Variants in ANO8 observed in about 807,000 individuals in gnomAD.
ANO8 encodes the protein anoctamin-8.
A neutral mutation model predicts 120.4 loss-of-function variants in ANO8; 67 were observed. The ratio of observed to expected loss-of-function variants is 0.56; its 90% CI spans 0.46 to 0.68. The LOEUF (loss-of-function observed/expected upper bound fraction) is 0.68, where lower values mean the gene tolerates loss of function less well. Ranked by LOEUF, ANO8 falls within the 30% of genes least tolerant of loss-of-function variation. The pLI, the probability that ANO8 is intolerant of heterozygous loss-of-function variation, is 0.00. For missense variants in ANO8, 1,526 were observed against 1,737.6 expected (o/e 0.88, Z 2.16); for synonymous variants, 727 against 759.2 (o/e 0.96, Z 0.70).
rs756610843 is a variant in ANO8 at position 17,324,671 on chromosome 19, C to T, written c.3331+46G>A. ...CCAGGCCTGGCCACCCTACCCTATC[C>T]CCAAAGCCGGCCCGGCGTCCCCACC... On this transcript the variant is annotated intron_variant, in intron 17 of 17. Transcript: ENST00000159087. The T allele has an allele frequency of 2.2e-5, 33 of 1,514,420 alleles. No homozygotes were observed. The South Asian group carries it at 4.1e-4, about 19-fold the overall frequency. The allele number at this position is 1,514,420 out of a possible 1,614,324, so 93.8% of individuals were successfully genotyped here.
intron 13 of ANO8, 62 bp downstream of exon 13, chr19:17,328,100 C>G: frequency 1.4e-6 from 2 of 1,452,752 alleles, no homozygotes; most frequent in South Asian, 1.4e-5. Context: ...CCTTCACCCT[C>G]GGACGGTGTG....
In ANO8 at chr19:17,333,661, T is replaced by TGGGGGGGGGGGGGGGGGGG; in HGVS notation, c.217+28_217+29insCCCCCCCCCCCCCCCCCCC. 4.8e-6 allele frequency: 1 copy of TGGGGGGGGGGGGGGGGGGG among 207,036 alleles called. No individual in the cohort carries two copies. Among genetic ancestry groups the TGGGGGGGGGGGGGGGGGGG allele is most frequent in the East Asian group, 4.9e-4 (1 of 2,058 alleles). 12.8% of individuals were successfully genotyped at this position (207,036 alleles called of 1,614,324 possible). On this transcript the variant is annotated intron_variant, in intron 2 of 17. Coordinates refer to ENST00000159087, the MANE Select transcript of ANO8 (RefSeq NM_020959.3). The surrounding 1 kb of genome is among the most constrained non-coding windows in gnomAD (Gnocchi z 7.2). ...GCTCAGGAGAGCCGCATCTGGGCACTGGGCGGGCGGGCGGGCGGGCTTGGG... is the reference window on the plus strand; with the variant it reads ...GCTCAGGAGAGCCGCATCTGGGCACTGGGGGGGGGGGGGGGGGGGGGGCGGGCGGGCGGGCGGGCTTGGG...
intron 12 of ANO8, chr19:17,329,532 C>T (rs1282153810): frequency 3.4e-6 from 2 of 582,718 alleles, no homozygotes; most frequent in Non-Finnish European, 6.1e-6. Flanking sequence ...AGGGACAGGA[C>T]GAGCAGGAGC....
chr19:17,330,038 G>A, intron 10 of ANO8, 24 bp from the exon 11 acceptor site: 1 of 1,613,958 alleles, frequency 6.2e-7, no homozygotes. Context: ...GGGGGAGTGA[G>A]GGGGCAGCCG....
chr19:17,331,170 G>GCGAA lies in ANO8; in HGVS notation c.745_748dup (p.Ala250ValfsTer28). 1 of 1,614,184 alleles carries GCGAA rather than the reference G, an allele frequency of 6.2e-7. No homozygotes were observed. The highest frequency in any genetic ancestry group is 1.1e-5 in the South Asian group (1 of 91,084). Reference sequence around the variant, plus strand: ...AGCCGACGTGTAGAAGCCCAGCCAGGCGAAGTACATGGCAATTTTCACACC... The same window carrying GCGAA: ...AGCCGACGTGTAGAAGCCCAGCCAGGCGAACGAAGTACATGGCAATTTTCACACC... On this transcript the variant is annotated frameshift_variant, in exon 7 of 18. Transcript: ENST00000159087. LOFTEE classifies it high-confidence loss of function.
Position 17,328,910 on chromosome 19 carries a change from C to G in ANO8, c.1478G>C (p.Arg493Pro), listed in dbSNP as rs774838895. ...VREVLQPHLY[R>P]RLGRGELGLR... ...GCCCAGCTCGCCGCGGCCCAGGCGC[C>G]GGTACAGGTGCGGCTGCAGGACCTC... The change falls in exon 13 of 18, where the codon CGG (arginine) becomes CCG (proline). Residue 493 changes from arginine (R) to proline (P), a missense_variant. Physicochemically the swap from Arg to Pro is moderately radical, Grantham distance 103. This residue lies in a region of ANO8 where 467 missense variants were observed against 425.8 expected (regional missense o/e 1.10). Transcript: ENST00000159087. 2 of 1,508,884 alleles carry G rather than the reference C, an allele frequency of 1.3e-6. No homozygotes were observed. Among genetic ancestry groups the G allele is most frequent in the Non-Finnish European group, 1.8e-6 (2 of 1,131,810 alleles). 93.5% of individuals were successfully genotyped at this position (1,508,884 alleles called of 1,614,324 possible).
chr19:17,328,582 G>T lies in ANO8; in HGVS notation c.1806C>A (p.Gly602=). The change falls in exon 13 of 18, where the codon GGC becomes GGA. Residue 602 remains glycine (G), a synonymous_variant. Coordinates refer to ENST00000159087, the MANE Select transcript of ANO8 (RefSeq NM_020959.3). ...DEEEEEDEEE[G]EEGGLLDCGL... ...CGCAGTCCAGGAGGCCCCCTTCCTC[G>T]CCCTCCTCCTCGTCCTCCTCTTCCT... 1.3e-6 allele frequency: 2 copies of T among 1,545,490 alleles called. No homozygotes were observed. Among genetic ancestry groups the T allele is most frequent in the Non-Finnish European group, 8.7e-7 (1 of 1,145,682 alleles).
At position 17,333,677 on chromosome 19, in the gene ANO8, C is replaced by A. The variant is rs908540636; in HGVS notation, c.217+13G>T. On this transcript the variant is annotated intron_variant, in intron 2 of 17. Coordinates refer to ENST00000159087, the MANE Select transcript of ANO8 (RefSeq NM_020959.3). This position sits in a 1 kb window ranked among gnomAD's most constrained non-coding sequence, Gnocchi z 7.2. ...TCTGGGCACTGGGCGGGCGGGCGGG[C>A]GGGCTTGGGTACCTGGGAAGGTCAT... The A allele has an allele frequency of 1.8e-5, 5 of 279,038 alleles. No homozygotes were observed. The Admixed American group carries it at 6.0e-4, about 33-fold the overall frequency. The allele number at this position is 279,038 out of a possible 1,614,324, so 17.3% of individuals were successfully genotyped here.
Position 17,325,232 on chromosome 19 carries a change from G to T in ANO8, c.2816C>A (p.Pro939His). ...AGAGGCCTTCTCGGAGGAGGTGGCA[G>T]GGTCCAGCCCAGAGCCCTCGGCCCT... The part of the protein sequence containing the change: ...EARAEGSGLD[P>H]ATSSEKASAK... Residue 939 changes from proline to histidine, a missense_variant, in exon 17 of 18, where the codon CCT becomes CAT. Physicochemically the swap from Pro to His is moderately conservative, Grantham distance 77 (BLOSUM62 -2). This residue lies in a region of ANO8 where 489 missense variants were observed against 548.6 expected (regional missense o/e 0.89). Coordinates refer to ENST00000159087, the MANE Select transcript of ANO8 (RefSeq NM_020959.3). The T allele has an allele frequency of 6.2e-7, 1 of 1,611,214 alleles. No homozygotes were observed.
chr19:17,328,253 T>C lies in ANO8; in HGVS notation c.2135A>G (p.Gln712Arg). The C allele has an allele frequency of 6.2e-7, 1 of 1,611,502 alleles. No individual in the cohort carries two copies. Among genetic ancestry groups the C allele is most frequent in the Non-Finnish European group, 8.5e-7 (1 of 1,178,998 alleles). ...NSDSTRRQRR[Q>R]NRSSWIDPPE... The stretch of plus-strand genomic sequence containing the variant: ...CGGGTCAATCCAAGACGACCGGTTC[T>C]GCCGTCTCTGCCTACGGGTCGAATC... The change falls in exon 13 of 18, where the codon CAG (glutamine) becomes CGG (arginine). Residue 712 changes from glutamine (Q) to arginine (R), a missense_variant. By Grantham distance (43) the Gln-to-Arg change is conservative. Transcript: ENST00000159087.
Position 17,331,413 on chromosome 19 carries a change from T to A in ANO8, c.587-2A>T. ...TCCCACGTGCTGCCAGCTCCGGGAC[T>A]GTGGAGGGAGGAGCACAGGTGATCC... On this transcript the variant is annotated splice_acceptor_variant, in intron 5 of 17. Transcript: ENST00000159087. LOFTEE classifies it high-confidence loss of function. 6.2e-7 allele frequency: 1 copy of A among 1,613,068 alleles called. No individual in the cohort carries two copies. Among genetic ancestry groups the A allele is most frequent in the Non-Finnish European group, 8.5e-7 (1 of 1,179,848 alleles).
Position 17,333,181 on chromosome 19 carries a change from C to T in ANO8, c.409G>A (p.Gly137Arg). ...LRKAVKAEFG[G>R]GTRGFSCEED... is the part of the protein sequence containing the mutation. ...TCGCAGGAGAAGCCGCGGGTGCCCC[C>T]GCCAAACTCGGCCTTCACTGCTTTG... Residue 137 changes from glycine to arginine, a missense_variant, in exon 4 of 18, where the codon GGG becomes AGG. Around this residue, in one of 8 missense-constraint regions of ANO8, gnomAD observed 322 missense variants for 431.8 expected, o/e 0.75. Coordinates refer to ENST00000159087, the MANE Select transcript of ANO8 (RefSeq NM_020959.3). The surrounding 1 kb of genome is among the most constrained non-coding windows in gnomAD (Gnocchi z 7.2). The T allele has an allele frequency of 6.2e-7, 1 of 1,610,086 alleles. No individual in the cohort carries two copies. The highest frequency in any genetic ancestry group is 8.5e-7 in the Non-Finnish European group (1 of 1,178,216).
chr19:17,329,726 G>A (rs759726477), intron 12 of ANO8, 31 bp downstream of exon 12: 4 of 1,586,680 alleles, frequency 2.5e-6, no homozygotes, highest in South Asian at 2.2e-5. Flanking sequence ...CATGGGGGCA[G>A]GGGGGACTGC....
At position 17,331,107 on chromosome 19, in the gene ANO8, G is replaced by A. The variant is rs769999166; in HGVS notation, c.812C>T (p.Thr271Ile). ...YPAVFGSVLY[T>I]FTEADQTSRD... ...CAGTACCTGATCAGCCTCTGTGAAT[G>A]TGTACAGGACAGACCCGAAGACAGC... The change falls in exon 7 of 18, where the codon ACA becomes ATA. Residue 271 changes from threonine to isoleucine, a missense_variant. Physicochemically the swap from Thr to Ile is moderately conservative, Grantham distance 89 (BLOSUM62 -1). Coordinates refer to ENST00000159087, the MANE Select transcript of ANO8 (RefSeq NM_020959.3). The A allele has an allele frequency of 5.0e-6, 8 of 1,614,112 alleles. No homozygotes were observed. Among genetic ancestry groups the A allele is most frequent in the Non-Finnish European group, 6.8e-6 (8 of 1,180,038 alleles).
In ANO8 at chr19:17,328,611, C is replaced by T. The variant is rs1310216446; in HGVS notation, c.1777G>A (p.Glu593Lys). ...TCCTCCTCGTCCTCCTCTTCCTCCT[C>T]GTCCTCCTCCTCCTCGTCGTCCTCG... The part of the protein sequence containing the change: ...EDEDDEEEED[E>K]EEEEDEEEGE... The change falls in exon 13 of 18, where the codon GAG (glutamate) becomes AAG (lysine). Residue 593 changes from glutamate to lysine, a missense_variant. Physicochemically the swap from Glu to Lys is moderately conservative, Grantham distance 56 (BLOSUM62 1). Around this residue, in one of 8 missense-constraint regions of ANO8, gnomAD observed 467 missense variants for 425.8 expected, o/e 1.10. Transcript: ENST00000159087. The T allele has an allele frequency of 3.2e-6, 5 of 1,541,634 alleles. No homozygotes were observed. The highest frequency in any genetic ancestry group is 1.4e-5 in the African/African-American group (1 of 72,652).
Position 17,331,412 on chromosome 19 carries a change from C to A in ANO8, c.587-1G>T. 6.2e-7 allele frequency: 1 copy of A among 1,613,120 alleles called. No homozygotes were observed. Among genetic ancestry groups the A allele is most frequent in the Non-Finnish European group, 8.5e-7 (1 of 1,179,896 alleles). ...ATCCCACGTGCTGCCAGCTCCGGGA[C>A]TGTGGAGGGAGGAGCACAGGTGATC... On this transcript the variant is annotated splice_acceptor_variant, in intron 5 of 17. Coordinates refer to ENST00000159087, the MANE Select transcript of ANO8 (RefSeq NM_020959.3). LOFTEE classifies it high-confidence loss of function.
In ANO8 at chr19:17,333,770, G is replaced by T; in HGVS notation, c.137C>A (p.Ala46Asp). ...CTTGTGGGACACCAGGTAGCGACCAGCCTGCAGGAGCCGCTTTCCGAAAAG... is the reference window on the plus strand; with the variant it reads ...CTTGTGGGACACCAGGTAGCGACCATCCTGCAGGAGCCGCTTTCCGAAAAG... ...DKLFGKRLLQAGRYLVSHKAW... is the reference protein window; with the variant it reads ...DKLFGKRLLQDGRYLVSHKAW... Residue 46 changes from alanine (A) to aspartate (D), a missense_variant, in exon 2 of 18, where the codon GCT (alanine) becomes GAT (aspartate). Physicochemically the swap from Ala to Asp is moderately radical, Grantham distance 126. Around this residue, in one of 8 missense-constraint regions of ANO8, gnomAD observed 322 missense variants for 431.8 expected, o/e 0.75. Transcript: ENST00000159087. This position sits in a 1 kb window ranked among gnomAD's most constrained non-coding sequence, Gnocchi z 7.2. 1 of 1,605,340 alleles carries T rather than the reference G, an allele frequency of 6.2e-7. No individual in the cohort carries two copies. Among genetic ancestry groups the T allele is most frequent in the Non-Finnish European group, 8.5e-7 (1 of 1,177,072 alleles).
In ANO8 at chr19:17,324,976, G is replaced by A; in HGVS notation, c.3072C>T (p.Phe1024=). The part of the protein sequence containing the change: ...PTGSDTRLPA[F]LSFKFLKSPE... ...GTGACTTGAGGAACTTGAAGCTGAG[G>A]AAGGCAGGCAGGCGGGTGTCGCTGC... Residue 1024 remains phenylalanine (F), a synonymous_variant, in exon 17 of 18, where the codon TTC becomes TTT. Coordinates refer to ENST00000159087, the MANE Select transcript of ANO8 (RefSeq NM_020959.3). The A allele has an allele frequency of 6.2e-7, 1 of 1,613,290 alleles. No individual in the cohort carries two copies. The highest frequency in any genetic ancestry group is 2.2e-5 in the East Asian group (1 of 44,876).
chr19:17,326,615 C>A (rs535420788), intron 16 of ANO8, among the ~76,000 whole-genome samples: 1 of 152,180 alleles, frequency 6.6e-6, no homozygotes, highest in African/African-American at 2.4e-5. Flanking sequence ...GTTTCTCGGT[C>A]GCAGCAGCTG....
Sources: gnomAD v4.1 joint callset for allele counts (sites outside exome capture counted in the v4.1 genomes callset) on GRCh38, gnomAD v4.1.1 for gene constraint, gnomAD v4.1.1 regional missense constraint, Gnocchi (gnomAD v3.1) non-coding constraint, MANE v1.5 for transcripts, NCBI Gene and HGNC (gene_info 2026-07-23, HGNC 2026-07-21) for gene names.